Variants in ADCY1 observed in about 807,000 individuals in gnomAD.
ADCY1 encodes the protein adenylate cyclase type 1.
A neutral mutation model predicts 105.4 loss-of-function variants in ADCY1; 28 were observed. The observed-to-expected ratio is 0.27, with a 90% CI of 0.20 to 0.36. ADCY1 has a LOEUF of 0.36. Ranked by LOEUF, ADCY1 falls within the 10% of genes least tolerant of loss-of-function variation. The probability of loss-of-function intolerance (pLI) is 1.00; values close to 1 mark genes in which losing one functional copy is unlikely to be tolerated. For synonymous variants in ADCY1, 655 were observed against 623.8 expected, an observed-to-expected ratio of 1.05 and a Z score of -0.75; for missense variants, 977 against 1,434.2, an observed-to-expected ratio of 0.68 and a Z score of 5.15.
At chr7:45,707,682 C>A (rs1342058681) in intron 17 of ADCY1, among the ~76,000 whole-genome samples, 1 of 152,062 alleles carries the variant, frequency 6.6e-6, no homozygotes, top group Admixed American at 6.5e-5. Flanking sequence ...TTAATAATAT[C>A]AATATTGGTT....
In ADCY1 at chr7:45,678,272, T is replaced by C; in HGVS notation, c.1898+9T>C. 1 of 1,611,148 alleles carries C rather than the reference T, an allele frequency of 6.2e-7. No homozygotes were observed. Among genetic ancestry groups the C allele is most frequent in the Non-Finnish European group, 8.5e-7 (1 of 1,177,276 alleles). ...CTTCTAATATTCCCACAGTGAGTAT[T>C]TCTATCAACGAGGTGAGGAACTCAC... On this transcript the variant is annotated intron_variant, in intron 10 of 19. Transcript: ENST00000297323.
intron 1 of ADCY1, among the ~76,000 whole-genome samples, chr7:45,583,840 A>G (rs1792634943): frequency 6.8e-6 from 1 of 148,080 alleles, no homozygotes. Context: ...GGGTTTCTCC[A>G]TGTTCGTCAG....
chr7:45,674,794 C>G (rs1375553034), intron 8 of ADCY1, among the ~76,000 whole-genome samples: 20 of 152,172 alleles, frequency 1.3e-4, no homozygotes, highest in Admixed American at 1.3e-3. Flanking sequence ...TTTGTAATGT[C>G]TCTCTCTATC....
In ADCY1 at chr7:45,722,722, G is replaced by C. The variant is rs1785500707; in HGVS notation, c.*8727G>C. ...GCTAGATAGGGTTGTGTCCCTCTAT[G>C]GAATGGAGAGTGATGTGGGCAAGGG... On this transcript the variant is annotated 3_prime_UTR_variant, in exon 20 of 20. Coordinates refer to ENST00000297323, the MANE Select transcript of ADCY1 (RefSeq NM_021116.4). 1 of 152,520 alleles carries C rather than the reference G, an allele frequency of 6.6e-6. No homozygotes were observed. Among genetic ancestry groups the C allele is most frequent in the South Asian group, 2.1e-4 (1 of 4,826 alleles). 9.4% of individuals were successfully genotyped at this position (152,520 alleles called of 1,614,324 possible).
intron 1 of ADCY1, among the ~76,000 whole-genome samples, chr7:45,590,674 G>A (rs1792888046): frequency 6.6e-6 from 1 of 152,108 alleles, no homozygotes; most frequent in Admixed American, 6.5e-5. Context: ...GCCGTGTTCA[G>A]GTCCCATGGA....
Position 45,721,700 on chromosome 7 carries a change from T to C in ADCY1, c.*7705T>C, listed in dbSNP as rs1272895231. 5.0e-6 allele frequency: 2 copies of C among 398,448 alleles called. No individual in the cohort carries two copies. The highest frequency in any genetic ancestry group is 8.8e-6 in the Non-Finnish European group (2 of 226,116). The allele number at this position is 398,448 out of a possible 1,614,324, so 24.7% of individuals were successfully genotyped here. A position where few individuals can be genotyped will look rare whatever the true frequency, so the allele number is the denominator to read the frequency against. ...TGGGTCCGGGTGCCTTCCCAGGGGT[T>C]AGAGGATGTTCAAAGGGCCGATTTC... On this transcript the variant is annotated 3_prime_UTR_variant, in exon 20 of 20. Coordinates refer to ENST00000297323, the MANE Select transcript of ADCY1 (RefSeq NM_021116.4).
intron 1 of ADCY1, among the ~76,000 whole-genome samples, chr7:45,583,438 G>C (rs907557346): frequency 1.3e-5 from 2 of 152,210 alleles, no homozygotes; most frequent in Non-Finnish European, 2.9e-5. Context: ...TTCTGAATCT[G>C]AGCACAACTT....
At chr7:45,608,141 C>T (rs78075121) in intron 2 of ADCY1, among the ~76,000 whole-genome samples, 2,870 of 152,284 alleles carry the variant, frequency 0.019, 78 homozygotes, top group South Asian at 0.13. Flanking sequence ...GGTAGCCATT[C>T]TGACTTCTGT....
rs972458866 is a variant in ADCY1 at position 45,631,325 on chromosome 7, C to T, written c.1020+8582C>T. ...TCTGTTTTAGAGAATTGTCAAATAA[C>T]GTTGTCCTTATTAGCATTATAATGC... On this transcript the variant is annotated intron_variant, in intron 4 of 19. Transcript: ENST00000297323. Among the ~76,000 whole-genome samples, 8 of 152,290 alleles carry T rather than the reference C, an allele frequency of 5.3e-5. No individual in the cohort carries two copies. In the South Asian group the frequency reaches 8.3e-4, roughly 16 times the overall value.
intron 4 of ADCY1, among the ~76,000 whole-genome samples, chr7:45,640,922 G>C (rs1383702863): frequency 6.6e-6 from 1 of 152,146 alleles, no homozygotes; most frequent in African/African-American, 2.4e-5. Flanking sequence ...TGCTTGTGGG[G>C]TCCTGCATAC....
chr7:45,689,422 G>C (rs894624775), intron 14 of ADCY1, among the ~76,000 whole-genome samples: 1 of 152,100 alleles, frequency 6.6e-6, no homozygotes, highest in Non-Finnish European at 1.5e-5. Context: ...TTCTGGGAAG[G>C]GCTCAGGGAG....
chr7:45,629,591 T>C (rs1392974511), intron 4 of ADCY1, among the ~76,000 whole-genome samples: 1 of 150,868 alleles, frequency 6.6e-6, no homozygotes, highest in African/African-American at 2.4e-5. Flanking sequence ...CAATCTCGGC[T>C]CACTGCAAGC....
intron 14 of ADCY1, among the ~76,000 whole-genome samples, chr7:45,697,674 G>A (rs897745231): frequency 3.9e-5 from 6 of 152,226 alleles, no homozygotes; most frequent in African/African-American, 1.2e-4. Flanking sequence ...ACAGGCGTAA[G>A]CCACTGCGCC....
At chr7:45,607,627 A>G (rs1302488572) in intron 2 of ADCY1, among the ~76,000 whole-genome samples, 2 of 152,040 alleles carry the variant, frequency 1.3e-5, no homozygotes, top group Non-Finnish European at 2.9e-5. Flanking sequence ...TGGAGTCCCC[A>G]GTGTCTGTTC....
intron 19 of ADCY1, among the ~76,000 whole-genome samples, chr7:45,712,895 C>T (rs114715498): frequency 6.6e-6 from 1 of 152,132 alleles, no homozygotes; most frequent in Non-Finnish European, 1.5e-5. Flanking sequence ...ATACTGGTTG[C>T]GAACCTGTCA....
chr7:45,714,277 A>C lies in ADCY1; in HGVS notation c.*282A>C. ...CCATCCTTCCCTCCGTGGCGTAGGG[A>C]GCACTGTTTCTTTCCAGCAAGCCTG... On this transcript the variant is annotated 3_prime_UTR_variant, in exon 20 of 20. Coordinates refer to ENST00000297323, the MANE Select transcript of ADCY1 (RefSeq NM_021116.4). 1 of 470,566 alleles carries C rather than the reference A, an allele frequency of 2.1e-6. No homozygotes were observed. The highest frequency in any genetic ancestry group is 3.8e-6 in the Non-Finnish European group (1 of 263,638). 29.1% of individuals were successfully genotyped at this position (470,566 alleles called of 1,614,324 possible).
chr7:45,579,250 T>C (rs1381869692), intron 1 of ADCY1, among the ~76,000 whole-genome samples: 1 of 152,120 alleles, frequency 6.6e-6, no homozygotes, highest in Non-Finnish European at 1.5e-5. Flanking sequence ...CCCGTATGCC[T>C]TTGTGTGCCC....
intron 6 of ADCY1, among the ~76,000 whole-genome samples, chr7:45,658,309 A>C (rs955045753): frequency 2.0e-5 from 3 of 152,312 alleles, no homozygotes; most frequent in Non-Finnish European, 4.4e-5. Flanking sequence ...AGCTCCACAC[A>C]GCCATCTAGG....
intron 5 of ADCY1, among the ~76,000 whole-genome samples, chr7:45,656,587 A>G (rs1469350154): frequency 6.6e-6 from 1 of 151,840 alleles, no homozygotes; most frequent in Non-Finnish European, 1.5e-5. Flanking sequence ...GAGGTTGGGG[A>G]AGCAGTGGGG....
Sources: gnomAD v4.1 joint callset for allele counts (sites outside exome capture counted in the v4.1 genomes callset) on GRCh38, gnomAD v4.1.1 for gene constraint, MANE v1.5 for transcripts, NCBI Gene and HGNC (gene_info 2026-07-23, HGNC 2026-07-21) for gene names.